PLD5: variants seen among roughly 807,000 people sequenced by gnomAD.
The protein encoded by PLD5 is inactive phospholipase D5.
A neutral mutation model predicts 61.1 loss-of-function variants in PLD5; 36 were observed. The observed-to-expected ratio is 0.59, with a 90% CI of 0.45 to 0.78. The LOEUF (loss-of-function observed/expected upper bound fraction) is 0.78. PLD5 is among the 30% of genes least tolerant of loss of function. The pLI, the probability that PLD5 is intolerant of heterozygous loss-of-function variation, is 0.00. For synonymous variants in PLD5, 243 were observed against 242.8 expected (o/e 1.00, Z -0.01); for missense variants, 515 against 644.4 (o/e 0.80, Z 2.17).
chr1:242,456,194 T>C (rs1042155901), intron 1 of PLD5, among the ~76,000 whole-genome samples: 3 of 152,182 alleles, frequency 2.0e-5, no homozygotes, highest in Non-Finnish European at 4.4e-5. Flanking sequence ...AAGCATGCAT[T>C]AGTTTGGTTC....
intron 1 of PLD5, among the ~76,000 whole-genome samples, chr1:242,521,867 C>T (rs762768112): frequency 1.2e-4 from 19 of 152,118 alleles, no homozygotes; most frequent in African/African-American, 2.7e-4. Flanking sequence ...AGGTTTTTGA[C>T]ATCTCAAACA....
chr1:242,378,596 T>G lies in PLD5; in HGVS notation c.190-30354A>C, dbSNP rs7539918. ...TGGCTTGCACCTGTAATCCCAGCACTTTGGTAGGCTGAGGCAGGTCAATCA... is the reference window on the plus strand; with the variant it reads ...TGGCTTGCACCTGTAATCCCAGCACGTTGGTAGGCTGAGGCAGGTCAATCA... On this transcript the variant is annotated intron_variant, in intron 1 of 9. Coordinates refer to ENST00000536534, the MANE Select transcript of PLD5 (RefSeq NM_001372062.1). 3.9e-3 allele frequency among the ~76,000 whole-genome samples: 598 copies of G among 152,292 alleles called. 3 individuals are homozygous for G. Among genetic ancestry groups the G allele is most frequent in the African/African-American group, 0.012 (519 of 41,574 alleles).
intron 8 of PLD5, among the ~76,000 whole-genome samples, chr1:242,102,318 G>A (rs1367774205): frequency 6.6e-6 from 1 of 152,194 alleles, no homozygotes. Flanking sequence ...AAACCCATTT[G>A]CTCTAGAAAG....
intron 1 of PLD5, among the ~76,000 whole-genome samples, chr1:242,423,393 G>A (rs1665250142): frequency 6.6e-6 from 1 of 152,198 alleles, no homozygotes; most frequent in Non-Finnish European, 1.5e-5. Context: ...AGGGCAGGAA[G>A]TGTCATATCT....
chr1:242,175,521 C>A (rs897242713), intron 5 of PLD5, among the ~76,000 whole-genome samples: 3 of 152,176 alleles, frequency 2.0e-5, no homozygotes, highest in African/African-American at 7.2e-5. Flanking sequence ...TGGAAGCATT[C>A]CCTTTGAAAA....
At chr1:242,159,381 T>A (rs1665648549) in intron 5 of PLD5, among the ~76,000 whole-genome samples, 1 of 152,206 alleles carries the variant, frequency 6.6e-6, no homozygotes, top group East Asian at 1.9e-4. Context: ...TGTCAGTGTC[T>A]GCTCCACCCT....
At chr1:242,115,906 T>G (rs1661910032) in intron 6 of PLD5, among the ~76,000 whole-genome samples, 1 of 152,166 alleles carries the variant, frequency 6.6e-6, no homozygotes, top group Non-Finnish European at 1.5e-5. Context: ...TTTCATCTTA[T>G]AAAAATATGG....
rs1443640464 is a variant in PLD5, at chr1:242,099,905, G to A, written c.1354+763C>T. On this transcript the variant is annotated intron_variant, in intron 9 of 9. Coordinates refer to ENST00000536534, the MANE Select transcript of PLD5 (RefSeq NM_001372062.1). ...GGATTTATGTACCTTCTGATAGATC[G>A]TTTTAACTGCCTGTGATGGTACTAG... Among the ~76,000 whole-genome samples the A allele has an allele frequency of 3.9e-5, 6 of 152,076 alleles. No homozygotes were observed. In the South Asian group the frequency reaches 6.2e-4, roughly 16 times the overall value.
chr1:242,475,305 C>T lies in PLD5; in HGVS notation c.189+48783G>A, dbSNP rs1388447675. ...GGGCGCGGTGGCGGGCGCCTGTAGT[C>T]CCAGCTACTCGGGAGGCTGAGGCAG... is the stretch of plus-strand genomic sequence containing the variant. On this transcript the variant is annotated intron_variant, in intron 1 of 9. Coordinates refer to ENST00000536534, the MANE Select transcript of PLD5 (RefSeq NM_001372062.1). Among the ~76,000 whole-genome samples, 4 of 151,814 alleles carry T rather than the reference C, an allele frequency of 2.6e-5. No homozygotes were observed. In the East Asian group the frequency reaches 7.7e-4, roughly 29 times the overall value.
At chr1:242,483,709 C>G (rs1343079467) in intron 1 of PLD5, among the ~76,000 whole-genome samples, 1 of 152,144 alleles carries the variant, frequency 6.6e-6, no homozygotes, top group African/African-American at 2.4e-5. Context: ...CCAAGCAGAC[C>G]TAATAGACAT....
At position 242,503,207 on chromosome 1, in the gene PLD5, A is replaced by G. The variant is rs1317723675; in HGVS notation, c.189+20881T>C. Among the ~76,000 whole-genome samples, 7 of 152,284 alleles carry G rather than the reference A, an allele frequency of 4.6e-5. No homozygotes were observed. The East Asian group carries it at 1.4e-3, about 30-fold the overall frequency. On this transcript the variant is annotated intron_variant, in intron 1 of 9. Coordinates refer to ENST00000536534, the MANE Select transcript of PLD5 (RefSeq NM_001372062.1). ...GAGGTGGGGCCTGGTGGGAGGTGTC[A>G]GGATCACGGGCACAGATCCTTCATG...
At chr1:242,509,583 A>C (rs1668838931) in intron 1 of PLD5, among the ~76,000 whole-genome samples, 1 of 152,152 alleles carries the variant, frequency 6.6e-6, no homozygotes, top group Non-Finnish European at 1.5e-5. Context: ...TTTTTTGTTA[A>C]AGAAAATGGG....
At chr1:242,449,336 A>G (rs1427812980) in intron 1 of PLD5, 6 of 1,536,074 alleles carry the variant, frequency 3.9e-6, no homozygotes, top group Non-Finnish European at 5.2e-6. Flanking sequence ...GTCTGTAGAA[A>G]ACTCCAGAGT....
chr1:242,220,220 G>A lies in PLD5; in HGVS notation c.608-105C>T, dbSNP rs144628781. ...TCATGGTTCACCATTTGTCCCAATTGACATTTAGGAAAGCTAAATATTTAT... is the reference window on the plus strand; with the variant it reads ...TCATGGTTCACCATTTGTCCCAATTAACATTTAGGAAAGCTAAATATTTAT... On this transcript the variant is annotated intron_variant, in intron 4 of 9. Transcript: ENST00000536534. 9.3e-4 allele frequency: 1,319 copies of A among 1,411,508 alleles called. 30 individuals carry two copies. The East Asian group carries it at 0.03, about 32-fold the overall frequency. The allele number at this position is 1,411,508 out of a possible 1,614,324, so 87.4% of individuals were successfully genotyped here. A position where few individuals can be genotyped will look rare whatever the true frequency, so the allele number is the denominator to read the frequency against.
chr1:242,154,919 G>T (rs1257823202), intron 5 of PLD5, among the ~76,000 whole-genome samples: 1 of 152,248 alleles, frequency 6.6e-6, no homozygotes, highest in South Asian at 2.1e-4. Context: ...CAGAAGGAAT[G>T]GTACCAGCTC....
At chr1:242,446,748 G>A (rs1235277824) in intron 1 of PLD5, among the ~76,000 whole-genome samples, 3 of 152,188 alleles carry the variant, frequency 2.0e-5, no homozygotes, top group Admixed American at 2.0e-4. Flanking sequence ...ACATCGGGAA[G>A]GAAGAACAGG....
chr1:242,336,275 C>T (rs1384109359), intron 2 of PLD5, among the ~76,000 whole-genome samples: 4 of 152,116 alleles, frequency 2.6e-5, no homozygotes, highest in Non-Finnish European at 5.9e-5. Context: ...CACATCTACC[C>T]TTTCACCTAG....
chr1:242,340,613 A>T (rs1384567021), intron 2 of PLD5, among the ~76,000 whole-genome samples: 3 of 152,182 alleles, frequency 2.0e-5, no homozygotes, highest in Non-Finnish European at 4.4e-5. Flanking sequence ...TATTGTATCA[A>T]AGGTACTCAC....
intron 1 of PLD5, among the ~76,000 whole-genome samples, chr1:242,394,992 T>C (rs1663429350): frequency 7.8e-6 from 1 of 127,394 alleles, no homozygotes; most frequent in Non-Finnish European, 1.6e-5. Flanking sequence ...TATATGAATA[T>C]ATATGTATAT....
Sources: gnomAD v4.1 joint callset for allele counts (sites outside exome capture counted in the v4.1 genomes callset) on GRCh38, gnomAD v4.1.1 for gene constraint, MANE v1.5 for transcripts, NCBI Gene and HGNC (gene_info 2026-07-23, HGNC 2026-07-21) for gene names.